The following ATG5 variants were observed in gnomAD, a reference collection of about 807,000 sequenced individuals.
ATG5 encodes the protein autophagy protein 5.
ATG5 carries 14 observed loss-of-function variants against 36.5 expected under a neutral mutation model. The observed-to-expected ratio is 0.38, with a 90% confidence interval of 0.25 to 0.60. The LOEUF (loss-of-function observed/expected upper bound fraction) is 0.60. Ranked by LOEUF, ATG5 falls within the 20% of genes least tolerant of loss-of-function variation. The pLI, the probability that ATG5 is intolerant of heterozygous loss-of-function variation, is 0.60. For missense variants in ATG5, 195 were observed against 326.7 expected, an observed-to-expected ratio of 0.60 and a Z score of 3.11; for synonymous variants, 95 against 101.5, an observed-to-expected ratio of 0.94 and a Z score of 0.38.
intron 5 of ATG5, among the ~76,000 whole-genome samples, chr6:106,267,129 A>G (rs537839499): frequency 6.6e-6 from 1 of 152,192 alleles, no homozygotes; most frequent in Non-Finnish European, 1.5e-5. Flanking sequence ...TAAGCTGTTA[A>G]TAAACTTCAG....
chr6:106,317,760 T>C (rs956260152), intron 1 of ATG5, among the ~76,000 whole-genome samples: 1 of 152,212 alleles, frequency 6.6e-6, no homozygotes, highest in Non-Finnish European at 1.5e-5. Context: ...TTTCCAAGTT[T>C]ACAAATGACA....
intron 3 of ATG5, among the ~76,000 whole-genome samples, chr6:106,305,697 T>C (rs2114659017): frequency 6.6e-6 from 1 of 152,354 alleles, no homozygotes; most frequent in African/African-American, 2.4e-5. Flanking sequence ...TTGTATGGTC[T>C]CAAAAGTCCA....
At chr6:106,217,079 G>C (rs555703646) in intron 6 of ATG5, among the ~76,000 whole-genome samples, 2 of 151,836 alleles carry the variant, frequency 1.3e-5, no homozygotes, top group South Asian at 4.2e-4. Flanking sequence ...TATGCATTTT[G>C]TGGGTTTTTT....
At chr6:106,235,319 C>T (rs531572132) in intron 6 of ATG5, among the ~76,000 whole-genome samples, 9 of 152,288 alleles carry the variant, frequency 5.9e-5, no homozygotes, top group South Asian at 2.1e-4. Flanking sequence ...ACCCCTGGAC[C>T]GGCCTACTAG....
At chr6:106,244,623 C>T (rs929564947) in intron 6 of ATG5, among the ~76,000 whole-genome samples, 1 of 152,192 alleles carries the variant, frequency 6.6e-6, no homozygotes, top group Non-Finnish European at 1.5e-5. Context: ...CACTGTATGT[C>T]TCTTCTTCAC....
intron 5 of ATG5, among the ~76,000 whole-genome samples, chr6:106,252,400 C>T (rs1716348853): frequency 2.0e-5 from 3 of 151,176 alleles, no homozygotes; most frequent in Admixed American, 2.0e-4. Context: ...TGATGGTCAT[C>T]CATTTTTCCT....
chr6:106,256,554 G>A (rs1778807311), intron 5 of ATG5, among the ~76,000 whole-genome samples: 1 of 152,122 alleles, frequency 6.6e-6, no homozygotes, highest in South Asian at 2.1e-4. Flanking sequence ...AAATGCATCA[G>A]GCAATTTCAT....
intron 6 of ATG5, among the ~76,000 whole-genome samples, chr6:106,206,402 C>G (rs2114373657): frequency 6.6e-6 from 1 of 152,238 alleles, no homozygotes; most frequent in South Asian, 2.1e-4. Flanking sequence ...TTATAAATTA[C>G]CCAGTCTAGG....
chr6:106,254,037 G>T (rs1269340024), intron 5 of ATG5, among the ~76,000 whole-genome samples: 7 of 152,074 alleles, frequency 4.6e-5, no homozygotes, highest in Non-Finnish European at 7.4e-5. Context: ...AACTTACTAA[G>T]TTACTACCTA....
chr6:106,213,055 C>T (rs940536391), intron 6 of ATG5, among the ~76,000 whole-genome samples: 2 of 152,172 alleles, frequency 1.3e-5, no homozygotes, highest in African/African-American at 4.8e-5. Context: ...ACGACTACTA[C>T]TACTAACATA....
intron 1 of ATG5, among the ~76,000 whole-genome samples, chr6:106,321,500 A>C (rs1771068802): frequency 6.6e-6 from 1 of 151,928 alleles, no homozygotes; most frequent in African/African-American, 2.4e-5. Flanking sequence ...CTGGGACTAC[A>C]GGCGCCCGCC....
intron 6 of ATG5, among the ~76,000 whole-genome samples, chr6:106,222,487 T>C (rs1331325905): frequency 2.0e-5 from 3 of 152,332 alleles, no homozygotes; most frequent in African/African-American, 7.2e-5. Context: ...GAGAACATTA[T>C]GTTTTTACTT....
intron 5 of ATG5, among the ~76,000 whole-genome samples, chr6:106,267,193 C>T (rs528399679): frequency 1.3e-5 from 2 of 152,300 alleles, no homozygotes; most frequent in South Asian, 4.1e-4. Flanking sequence ...TTCCTATACA[C>T]CAACAGCAAA....
chr6:106,212,680 G>A (rs919768267), intron 6 of ATG5, among the ~76,000 whole-genome samples: 1 of 152,102 alleles, frequency 6.6e-6, no homozygotes, highest in Non-Finnish European at 1.5e-5. Context: ...AAACCCTATT[G>A]GCAATTACTA....
intron 3 of ATG5, among the ~76,000 whole-genome samples, chr6:106,307,521 T>C (rs1250925486): frequency 6.6e-6 from 1 of 150,486 alleles, no homozygotes; most frequent in African/African-American, 2.4e-5. Flanking sequence ...GGTTTAGGAT[T>C]TGATTTCAAT....
At chr6:106,319,767 T>A (rs181419053) in intron 1 of ATG5, among the ~76,000 whole-genome samples, 171 of 152,340 alleles carry the variant, frequency 1.1e-3, no homozygotes, top group Non-Finnish European at 2.2e-3. Context: ...GGGAGAAGGA[T>A]CATATCTCAT....
chr6:106,223,884 G>A (rs1777346768), intron 6 of ATG5, among the ~76,000 whole-genome samples: 1 of 152,222 alleles, frequency 6.6e-6, no homozygotes, highest in Non-Finnish European at 1.5e-5. Context: ...GTACAAGTCA[G>A]TTTTGGGGAA....
intron 1 of ATG5, among the ~76,000 whole-genome samples, chr6:106,323,025 T>A (rs1771151619): frequency 6.6e-6 from 1 of 151,892 alleles, no homozygotes; most frequent in Non-Finnish European, 1.5e-5. Flanking sequence ...GTTCATGCCA[T>A]TCTCCTGCTT....
intron 5 of ATG5, among the ~76,000 whole-genome samples, chr6:106,272,369 T>C (rs1779485651): frequency 6.6e-6 from 1 of 152,252 alleles, no homozygotes; most frequent in East Asian, 1.9e-4. Flanking sequence ...ATTGTTAAAA[T>C]GGCCTACAAA....
Sources: gnomAD v4.1 joint callset for allele counts (sites outside exome capture counted in the v4.1 genomes callset) on GRCh38, gnomAD v4.1.1 for gene constraint, MANE v1.5 for transcripts, NCBI Gene and HGNC (gene_info 2026-07-23, HGNC 2026-07-21) for gene names.